The following NUP133 variants were observed in gnomAD, a reference collection of about 807,000 sequenced individuals.
NUP133 encodes nuclear pore complex protein Nup133.
A neutral mutation model predicts 146.2 loss-of-function variants in NUP133; 66 were observed. The observed-to-expected ratio is 0.45, with a 90% confidence interval of 0.37 to 0.55. NUP133 has a LOEUF of 0.55. Among genes scored for constraint, NUP133 ranks in the 20% least tolerant of loss-of-function variants. The probability of loss-of-function intolerance (pLI) is 0.00; values close to 1 mark genes in which losing one functional copy is unlikely to be tolerated. For synonymous variants in NUP133, 521 were observed against 498.8 expected (o/e 1.04, Z -0.59); for missense variants, 1,277 against 1,374.8 (o/e 0.93, Z 1.12).
chr1:229,441,793 T>C lies in NUP133; in HGVS notation c.*111A>G. The C allele has an allele frequency of 1.1e-6, 1 of 883,154 alleles. No homozygotes were observed. The allele number at this position is 883,154 out of a possible 1,614,324, so 54.7% of individuals were successfully genotyped here. ...CTTCCTACATATAAAGTATAAAAAC[T>C]CAGCTATACATGTTATGAAATTGTA... On this transcript the variant is annotated 3_prime_UTR_variant, in exon 26 of 26. Coordinates refer to ENST00000261396, the MANE Select transcript of NUP133 (RefSeq NM_018230.3).
intron 2 of NUP133, 139 bp downstream of exon 2, chr1:229,505,901 T>C (rs1400350586): frequency 3.8e-6 from 2 of 531,662 alleles, no homozygotes; most frequent in Non-Finnish European, 6.8e-6. Flanking sequence ...AAAATAAAAA[T>C]AAAAAAACAC....
At chr1:229,496,890 TG>T (rs1558107592) in intron 6 of NUP133, among the ~76,000 whole-genome samples, 1 of 152,102 alleles carries the variant, frequency 6.6e-6, no homozygotes, top group African/African-American at 2.4e-5. Context: ...GAATGTGAAT[TG>T]GTAAGTGTAG....
At chr1:229,446,818 C>T (rs1001639477) in intron 24 of NUP133, among the ~76,000 whole-genome samples, 1 of 151,844 alleles carries the variant, frequency 6.6e-6, no homozygotes, top group East Asian at 1.9e-4. Flanking sequence ...GCATGACAAG[C>T]CTCACTTCTG....
At chr1:229,442,549 A>G (rs1371411611) in intron 25 of NUP133, among the ~76,000 whole-genome samples, 1 of 152,228 alleles carries the variant, frequency 6.6e-6, no homozygotes, top group Non-Finnish European at 1.5e-5. Flanking sequence ...AGTTACAAAC[A>G]AACATACACA....
intron 2 of NUP133, 86 bp from the exon 3 acceptor site, chr1:229,502,188 A>C (rs1661818219): frequency 2.1e-6 from 2 of 939,638 alleles, no homozygotes. Context: ...TAATTGGCAC[A>C]CTCAGAAACG....
At position 229,464,782 on chromosome 1, in the gene NUP133, C is replaced by T. The variant is rs753547351; in HGVS notation, c.2393G>A (p.Arg798Gln). Residue 798 changes from arginine (R) to glutamine (Q), a missense_variant, in exon 18 of 26, where the codon CGA (arginine) becomes CAA (glutamine). Arg to Gln is a conservative substitution (Grantham distance 43). Transcript: ENST00000261396. ...TACCAGCTGCTCGGTCACGATGTTT[C>T]GGAGGTTGCTGTCTGCCTGTGGATA... ...VAYPQADSNL[R>Q]NIVTEQLVAL... 64 of 1,614,078 alleles carry T rather than the reference C, an allele frequency of 4.0e-5. No homozygotes were observed. Among genetic ancestry groups the T allele is most frequent in the Non-Finnish European group, 5.3e-5 (63 of 1,180,050 alleles).
chr1:229,472,395 T>C (rs2102763936), intron 14 of NUP133, among the ~76,000 whole-genome samples: 1 of 151,354 alleles, frequency 6.6e-6, no homozygotes. Flanking sequence ...TTTGCTTTGA[T>C]TGCAGCACTG....
intron 8 of NUP133, among the ~76,000 whole-genome samples, chr1:229,492,460 C>T (rs2102779257): frequency 6.6e-6 from 1 of 152,196 alleles, no homozygotes; most frequent in East Asian, 1.9e-4. Flanking sequence ...GGTGGCAAAG[C>T]ACCCTCTACT....
chr1:229,466,787 C>A, intron 15 of NUP133, 31 bp from the exon 16 acceptor site: 1 of 1,611,024 alleles, frequency 6.2e-7, no homozygotes, highest in African/African-American at 1.3e-5. Context: ...AAACTACTTA[C>A]AACAAAAATT....
intron 13 of NUP133, 80 bp from the exon 14 acceptor site, chr1:229,475,812 T>C: frequency 8.4e-7 from 1 of 1,194,184 alleles, no homozygotes. Flanking sequence ...TAACTGCTAT[T>C]AAAATAAAAA....
chr1:229,501,682 C>A (rs1661803938), intron 3 of NUP133, among the ~76,000 whole-genome samples: 1 of 152,176 alleles, frequency 6.6e-6, no homozygotes, highest in African/African-American at 2.4e-5. Context: ...ACTCAAAGTT[C>A]ATTTGCTTAT....
intron 12 of NUP133, among the ~76,000 whole-genome samples, chr1:229,483,696 C>CA (rs35673633): frequency 0.27 from 15,342 of 56,822 alleles, 2,430 homozygotes; most frequent in Non-Finnish European, 0.42. Context: ...CGGAGTGTCT[C>CA]AAAAAAAAAA....
intron 8 of NUP133, among the ~76,000 whole-genome samples, chr1:229,494,070 C>T (rs1284020361): frequency 6.6e-6 from 1 of 151,988 alleles, no homozygotes; most frequent in Admixed American, 6.5e-5. Flanking sequence ...GCAAAGGTTG[C>T]AGTGAGCCAA....
At chr1:229,446,212 G>A (rs1660297915) in intron 24 of NUP133, among the ~76,000 whole-genome samples, 1 of 152,130 alleles carries the variant, frequency 6.6e-6, no homozygotes, top group South Asian at 2.1e-4. Context: ...TTTGAGACCA[G>A]CCTGACCAAC....
At chr1:229,484,379 A>G (rs1486512896) in intron 11 of NUP133, among the ~76,000 whole-genome samples, 6 of 152,222 alleles carry the variant, frequency 3.9e-5, no homozygotes, top group Non-Finnish European at 8.8e-5. Context: ...GTTAAAAAAA[A>G]AAAAATTTAT....
intron 2 of NUP133, among the ~76,000 whole-genome samples, chr1:229,503,006 G>A (rs528728821): frequency 3.3e-5 from 5 of 151,936 alleles, no homozygotes; most frequent in African/African-American, 1.2e-4. Flanking sequence ...GGTGGCTCAC[G>A]CCTGTAATCC....
intron 20 of NUP133, among the ~76,000 whole-genome samples, chr1:229,458,802 C>T (rs180790407): frequency 2.6e-5 from 4 of 151,278 alleles, no homozygotes; most frequent in African/African-American, 4.9e-5. Flanking sequence ...CTTCGCCTCC[C>T]GGGTTCAAGT....
intron 1 of NUP133, among the ~76,000 whole-genome samples, chr1:229,507,758 T>A (rs1328831289): frequency 6.6e-6 from 1 of 152,048 alleles, no homozygotes; most frequent in Non-Finnish European, 1.5e-5. Context: ...ATGAAGAAAA[T>A]CACGAGTGAC....
chr1:229,502,798 A>T (rs1437553581), intron 2 of NUP133, among the ~76,000 whole-genome samples: 1 of 114,782 alleles, frequency 8.7e-6, no homozygotes. Flanking sequence ...TCTCTCTCTT[A>T]AAAAAAAAAA....
Sources: allele counts gnomAD v4.1 joint callset (sites outside exome capture counted in the v4.1 genomes callset), GRCh38; gene constraint gnomAD v4.1.1; transcripts MANE v1.5; gene names NCBI Gene and HGNC (gene_info 2026-07-23, HGNC 2026-07-21).